Variants in ECM2 observed in about 807,000 individuals in gnomAD.
The protein encoded by ECM2 is extracellular matrix protein 2.
A neutral mutation model predicts 67.5 loss-of-function variants in ECM2; 57 were observed. The ratio of observed to expected loss-of-function variants is 0.84; its 90% CI spans 0.68 to 1.05. ECM2 has a LOEUF of 1.05. Ranked by LOEUF, ECM2 falls within the 50% of genes least tolerant of loss-of-function variation. The pLI is 0.00. For missense variants in ECM2, 741 were observed against 822.8 expected (o/e 0.90, Z 1.22); for synonymous variants, 258 against 294.5 (o/e 0.88, Z 1.27).
chr9:92,509,932 T>G lies in ECM2; in HGVS notation c.1273A>C (p.Asn425His), dbSNP rs142108843. 512 of 1,606,776 alleles carry G rather than the reference T, an allele frequency of 3.2e-4. 1 individual carries two copies. In the African/African-American group the frequency reaches 6.5e-3, roughly 20 times the overall value. The part of the protein sequence containing the change: ...TLEELKVNEN[N>H]LQAIDEESLS... The stretch of plus-strand genomic sequence containing the variant: ...CTTTCTTCATCGATAGCCTGAAGAT[T>G]GTTCTCATTGACTTTAAGTTCTTCT... The change falls in exon 6 of 10, where the codon AAT (asparagine) becomes CAT (histidine). Residue 425 changes from asparagine to histidine, a missense_variant. Physicochemically the swap from Asn to His is moderately conservative, Grantham distance 68. Coordinates refer to ENST00000344604, the MANE Select transcript of ECM2 (RefSeq NM_001393.4).
the ECM2 span, among the ~76,000 whole-genome samples, chr9:92,542,450 A>G: frequency 1.3e-5 from 2 of 151,896 alleles, no homozygotes; most frequent in Admixed American, 1.3e-4. Context: ...AATTATATTC[A>G]AAAAATAATT....
intron 5 of ECM2, 31 bp downstream of exon 5, chr9:92,511,980 T>C (rs1159907394): frequency 2.0e-6 from 3 of 1,529,316 alleles, no homozygotes; most frequent in African/African-American, 1.4e-5. Context: ...AAGCCATTCA[T>C]CCAAATAGAC....
chr9:92,534,667 G>T (rs1026876018), intron 1 of ECM2, among the ~76,000 whole-genome samples: 1 of 152,126 alleles, frequency 6.6e-6, no homozygotes, highest in Non-Finnish European at 1.5e-5. Context: ...AATCATAAAA[G>T]TCAATTCAGA....
chr9:92,529,031 A>G (rs1312448845), intron 1 of ECM2, among the ~76,000 whole-genome samples: 1 of 152,248 alleles, frequency 6.6e-6, no homozygotes, highest in African/African-American at 2.4e-5. Flanking sequence ...GATATTTTTA[A>G]AAACCCAAAT....
chr9:92,522,105 G>A (rs1162356627), intron 2 of ECM2, among the ~76,000 whole-genome samples: 2 of 151,836 alleles, frequency 1.3e-5, no homozygotes, highest in Admixed American at 1.3e-4. Flanking sequence ...TTTTAATCTC[G>A]AGACGGAGTC....
In ECM2 at chr9:92,496,248, T is replaced by C. The variant is rs1846338193; in HGVS notation, c.*67A>G. ...TAACAGGAGGATTATGTCTCTCTTA[T>C]TAATGACAAATGCAGCTACTACAAA... On this transcript the variant is annotated 3_prime_UTR_variant, in exon 10 of 10. Coordinates refer to ENST00000344604, the MANE Select transcript of ECM2 (RefSeq NM_001393.4). 4.0e-6 allele frequency: 6 copies of C among 1,508,470 alleles called. No individual in the cohort carries two copies. The highest frequency in any genetic ancestry group is 2.3e-5 in the East Asian group (1 of 42,588). 93.4% of individuals were successfully genotyped at this position (1,508,470 alleles called of 1,614,324 possible). A position where few individuals can be genotyped will look rare whatever the true frequency, so the allele number is the denominator to read the frequency against.
rs1563981627 is a variant in ECM2 at position 92,517,702 on chromosome 9, CCG to C, written c.464_465del (p.Pro155ArgfsTer18). 51 of 1,614,038 alleles carry C rather than the reference CCG, an allele frequency of 3.2e-5. No individual in the cohort carries two copies. The highest frequency in any genetic ancestry group is 4.3e-5 in the Non-Finnish European group (51 of 1,180,036). ...QTVIPEGECC[P>X]VCSATVSYSL... ...ATCTCTGTACCAGTAGCGGAGCAGA[CCG>C]GGCAGCATTCCCCTTCAGGTATAAC... On this transcript the variant is annotated frameshift_variant, in exon 3 of 10. Coordinates refer to ENST00000344604, the MANE Select transcript of ECM2 (RefSeq NM_001393.4). LOFTEE classifies it high-confidence loss of function.
At chr9:92,520,665 A>G (rs182316213) in intron 2 of ECM2, among the ~76,000 whole-genome samples, 2 of 152,366 alleles carry the variant, frequency 1.3e-5, no homozygotes, top group East Asian at 3.9e-4. Context: ...TAATGTTCAT[A>G]GCTGTGTTAT....
At chr9:92,494,252 GCC>G, downstream of ECM2, 1 of 1,159,366 alleles carries the variant, frequency 8.6e-7, no homozygotes, top group Non-Finnish European at 1.2e-6. Context: ...TTCAGTTTGA[GCC>G]CCCTTTAATA....
Position 92,515,184 on chromosome 9 carries a change from A to T in ECM2, c.501T>A (p.Ser167Arg). 1 of 1,593,644 alleles carries T rather than the reference A, an allele frequency of 6.3e-7. No homozygotes were observed. The highest frequency in any genetic ancestry group is 8.5e-7 in the Non-Finnish European group (1 of 1,171,492). The change falls in exon 4 of 10, where the codon AGT becomes AGA. Residue 167 changes from serine (S) to arginine (R), a missense_variant. Transcript: ENST00000344604. Reference protein sequence around the residue: ...CSATVSYSLLSGIALNDRNEF... With the variant: ...CSATVSYSLLRGIALNDRNEF... ...CATTTCTATCATTTAATGCTATACCACTGAGTAGAGAATAGGAGACTAATG... is the reference window on the plus strand; with the variant it reads ...CATTTCTATCATTTAATGCTATACCTCTGAGTAGAGAATAGGAGACTAATG...
chr9:92,499,531 C>T (rs1846548491), intron 9 of ECM2, among the ~76,000 whole-genome samples: 1 of 152,170 alleles, frequency 6.6e-6, no homozygotes. Context: ...AGATACCAGG[C>T]TGTGACCACT....
chr9:92,524,607 C>T (rs1848279849), intron 1 of ECM2, among the ~76,000 whole-genome samples: 1 of 152,178 alleles, frequency 6.6e-6, no homozygotes, highest in Admixed American at 6.5e-5. Flanking sequence ...CCCCTTGCAG[C>T]TTTCCTCCTG....
At chr9:92,515,301 C>A in intron 3 of ECM2, 98 bp from the exon 4 acceptor site, 1 of 1,322,590 alleles carries the variant, frequency 7.6e-7, no homozygotes, top group Non-Finnish European at 9.6e-7. Context: ...ATTATTCCCT[C>A]CAAGTATTTG....
At chr9:92,521,954 T>A (rs1230596899) in intron 2 of ECM2, among the ~76,000 whole-genome samples, 1 of 152,232 alleles carries the variant, frequency 6.6e-6, no homozygotes, top group Admixed American at 6.5e-5. Context: ...GTAAACATAC[T>A]GGAAAGAAAC....
At chr9:92,504,538 TG>T (rs1478774514) in intron 7 of ECM2, among the ~76,000 whole-genome samples, 23 of 151,926 alleles carry the variant, frequency 1.5e-4, no homozygotes, top group African/African-American at 5.6e-4. Context: ...GCAGGCAGGG[TG>T]GGGTGTGGTT....
the ECM2 span, among the ~76,000 whole-genome samples, chr9:92,544,313 T>G: frequency 6.6e-6 from 1 of 152,142 alleles, no homozygotes; most frequent in Non-Finnish European, 1.5e-5. Flanking sequence ...CCGTCTCTAC[T>G]AAAAATACAA....
intron 3 of ECM2, among the ~76,000 whole-genome samples, chr9:92,515,614 G>A (rs575267957): frequency 5.9e-5 from 9 of 152,172 alleles, no homozygotes; most frequent in Non-Finnish European, 1.3e-4. Context: ...TTGCTAATGT[G>A]AGAATTTGCA....
chr9:92,550,625 A>G, the ECM2 span, among the ~76,000 whole-genome samples: 2 of 151,892 alleles, frequency 1.3e-5, no homozygotes, highest in African/African-American at 2.4e-5. Context: ...AAGTATTTCT[A>G]GATAGTTATG....
the ECM2 span, among the ~76,000 whole-genome samples, chr9:92,554,168 T>A: frequency 6.6e-6 from 1 of 151,082 alleles, no homozygotes; most frequent in Non-Finnish European, 1.5e-5. Flanking sequence ...AAGATTATCA[T>A]GTGATTTTTG....
Sources: gnomAD v4.1 joint callset for allele counts (sites outside exome capture counted in the v4.1 genomes callset) on GRCh38, gnomAD v4.1.1 for gene constraint, MANE v1.5 for transcripts, NCBI Gene and HGNC (gene_info 2026-07-23, HGNC 2026-07-21) for gene names.